The following ITSN2 variants were observed in gnomAD, a reference collection of about 807,000 sequenced individuals.
ITSN2 encodes intersectin 2, also known as intersectin-2.
ITSN2 carries 156 observed loss-of-function variants against 243.7 expected under a neutral mutation model. The ratio of observed to expected loss-of-function variants is 0.64; its 90% confidence interval spans 0.56 to 0.73. The LOEUF (loss-of-function observed/expected upper bound fraction) is 0.73, where lower values mean the gene tolerates loss of function less well. Among genes scored for constraint, ITSN2 ranks in the 30% least tolerant of loss-of-function variants. The probability of loss-of-function intolerance (pLI) is 0.00; values close to 1 mark genes in which losing one functional copy is unlikely to be tolerated. For synonymous variants in ITSN2, 703 were observed against 699.9 expected (o/e 1.00, Z -0.07); for missense variants, 1,801 against 1,996.1 (o/e 0.90, Z 1.86).
chr2:24,316,483 A>G (rs1241848115), intron 2 of ITSN2, among the ~76,000 whole-genome samples: 4 of 152,116 alleles, frequency 2.6e-5, no homozygotes, highest in Non-Finnish European at 5.9e-5. Context: ...GGGTTTCACC[A>G]TGTTGGCCAG....
chr2:24,206,947 C>T (rs1008683292), intron 37 of ITSN2, among the ~76,000 whole-genome samples: 2 of 151,942 alleles, frequency 1.3e-5, no homozygotes, highest in Non-Finnish European at 2.9e-5. Context: ...AGCACTTGAG[C>T]TGGAGGGGGA....
At chr2:24,319,539 C>G (rs185378853) in intron 2 of ITSN2, among the ~76,000 whole-genome samples, 1 of 152,108 alleles carries the variant, frequency 6.6e-6, no homozygotes, top group Admixed American at 6.5e-5. Context: ...GAGGTCTTCC[C>G]CCACCCCCAA....
At chr2:24,210,702 C>A in intron 34 of ITSN2, 78 bp downstream of exon 34, 19 of 1,392,614 alleles carry the variant, frequency 1.4e-5, no homozygotes, top group Non-Finnish European at 1.8e-5. Flanking sequence ...GCAGACTGTC[C>A]ACGTGAGGGA....
At chr2:24,354,722 G>T (rs559159972) in intron 1 of ITSN2, among the ~76,000 whole-genome samples, 1 of 152,266 alleles carries the variant, frequency 6.6e-6, no homozygotes, top group East Asian at 1.9e-4. Flanking sequence ...TGGTTATGAT[G>T]AAAATAAATG....
At position 24,261,705 on chromosome 2, in the gene ITSN2, T is replaced by A. The variant is rs1675891242; in HGVS notation, c.2393A>T (p.Tyr798Phe). The A allele has an allele frequency of 6.2e-7, 1 of 1,613,446 alleles. No individual in the cohort carries two copies. The highest frequency in any genetic ancestry group is 1.1e-5 in the South Asian group (1 of 91,034). Residue 798 changes from tyrosine (Y) to phenylalanine (F), a missense_variant, in exon 21 of 40, where the codon TAT (tyrosine) becomes TTT (phenylalanine). Physicochemically the swap from Tyr to Phe is conservative, Grantham distance 22. Around this residue, in one of 5 missense-constraint regions of ITSN2, gnomAD observed 7 missense variants for 20.0 expected, o/e 0.35. Coordinates refer to ENST00000355123, the MANE Select transcript of ITSN2 (RefSeq NM_006277.3). ...EKTVGEPGWL[Y>F]GSFQGNFGWF... Reference sequence around the variant, plus strand: ...GCCAAAATTTCCTTGAAAACTACCATAAAGCCAACCAGGTTCTCCTACGGT... The same window carrying A: ...GCCAAAATTTCCTTGAAAACTACCAAAAAGCCAACCAGGTTCTCCTACGGT...
chr2:24,251,383 GTGTATATATA>G lies in ITSN2; in HGVS notation c.3120+952_3120+961del. On this transcript the variant is annotated intron_variant, in intron 25 of 39. Coordinates refer to ENST00000355123, the MANE Select transcript of ITSN2 (RefSeq NM_006277.3). ...TGTGTGTGTGTGTGTATATATGTAT[GTGTATATATA>G]TGTGTATATATATATGTGTGTATAT... Among the ~76,000 whole-genome samples the G allele has an allele frequency of 4.1e-4, 2 of 4,900 alleles. 1 individual carries two copies. The highest frequency in any genetic ancestry group is 1.0e-3 in the African/African-American group (2 of 1,958). 3.2% of individuals were successfully genotyped at this position (4,900 alleles called of 152,430 possible).
chr2:24,247,251 GGC>G (rs1673499123), intron 27 of ITSN2, among the ~76,000 whole-genome samples: 1 of 152,200 alleles, frequency 6.6e-6, no homozygotes, highest in African/African-American at 2.4e-5. Flanking sequence ...TGCACACCAA[GGC>G]TTTGCTGACT....
At position 24,310,470 on chromosome 2, in the gene ITSN2, T is replaced by C. The variant is rs1558603855; in HGVS notation, c.556+19A>G. ...TTTCTTTACATGAAATAATGACTCT[T>C]TAGAAACAAAGTACTCACTTGAAGA... On this transcript the variant is annotated intron_variant, in intron 6 of 39. Transcript: ENST00000355123. 3 of 1,612,086 alleles carry C rather than the reference T, an allele frequency of 1.9e-6. No individual in the cohort carries two copies. Among genetic ancestry groups the C allele is most frequent in the Non-Finnish European group, 2.5e-6 (3 of 1,178,148 alleles).
chr2:24,330,348 C>T (rs1362647080), intron 1 of ITSN2: 13 of 495,538 alleles, frequency 2.6e-5, no homozygotes, highest in Middle Eastern at 3.4e-4. Context: ...CCAAAGCCTG[C>T]ATGCCACTGC....
upstream of ITSN2, chr2:24,360,720 T>A (rs1249021928): frequency 6.6e-6 from 1 of 152,658 alleles, no homozygotes. Context: ...GAAGCGCTCC[T>A]CTCTGCCCTC....
In ITSN2 at chr2:24,205,195, G is replaced by C. The variant is rs1668741018; in HGVS notation, c.4762+19C>G. ...GGCAGGGCAGTTATGTCTGCTGAAT[G>C]AATCAAGGCAGTATTTACCATTTGG... On this transcript the variant is annotated intron_variant, in intron 38 of 39. Transcript: ENST00000355123. 1 of 1,603,868 alleles carries C rather than the reference G, an allele frequency of 6.2e-7. No homozygotes were observed. The highest frequency in any genetic ancestry group is 8.5e-7 in the Non-Finnish European group (1 of 1,170,932).
chr2:24,312,384 A>G lies in ITSN2; in HGVS notation c.189-9T>C, dbSNP rs1038335244. On this transcript the variant is annotated splice_polypyrimidine_tract_variant and intron_variant, in intron 4 of 39. Coordinates refer to ENST00000355123, the MANE Select transcript of ITSN2 (RefSeq NM_006277.3). ...TTAGGTCTGATAAAGCCCTAAAAGGAGCATGAGGTAGGTAGATTGCTATGT... is the reference window on the plus strand; with the variant it reads ...TTAGGTCTGATAAAGCCCTAAAAGGGGCATGAGGTAGGTAGATTGCTATGT... 5.6e-6 allele frequency: 9 copies of G among 1,594,866 alleles called. No homozygotes were observed. Among genetic ancestry groups the G allele is most frequent in the Non-Finnish European group, 6.8e-6 (8 of 1,169,228 alleles).
At chr2:24,315,975 T>C (rs139287878) in intron 2 of ITSN2, among the ~76,000 whole-genome samples, 56 of 152,296 alleles carry the variant, frequency 3.7e-4, no homozygotes, top group Middle Eastern at 3.4e-3. Context: ...AATTCTGAGT[T>C]AGAAGCACCA....
At chr2:24,328,676 T>C (rs1009312341) in intron 1 of ITSN2, among the ~76,000 whole-genome samples, 2 of 152,096 alleles carry the variant, frequency 1.3e-5, no homozygotes, top group African/African-American at 2.4e-5. Context: ...TTGACCAGAA[T>C]GGTCTCAAAT....
rs574730266 is a variant in ITSN2 at position 24,268,771 on chromosome 2, A to C, written c.2355+1900T>G. Among the ~76,000 whole-genome samples, 159 of 151,532 alleles carry C rather than the reference A, an allele frequency of 1.0e-3. 1 individual carries two copies. Among genetic ancestry groups the C allele is most frequent in the Middle Eastern group, 3.4e-3 (1 of 292 alleles). On this transcript the variant is annotated intron_variant, in intron 20 of 39. Transcript: ENST00000355123. ...TCAGCCAACTTTAAAAAAAAAAAAAACTTCCCTCAACCCACATTTCTCATT... is the reference window on the plus strand; with the variant it reads ...TCAGCCAACTTTAAAAAAAAAAAAACCTTCCCTCAACCCACATTTCTCATT...
intron 2 of ITSN2, among the ~76,000 whole-genome samples, chr2:24,325,462 C>G (rs981316173): frequency 3.3e-5 from 5 of 151,958 alleles, no homozygotes; most frequent in Non-Finnish European, 5.9e-5. Context: ...TAATTCAAAG[C>G]CAATTTTAAA....
At chr2:24,216,362 G>T in intron 31 of ITSN2, 130 bp from the exon 32 acceptor site, 1 of 700,100 alleles carries the variant, frequency 1.4e-6, no homozygotes, top group Non-Finnish European at 2.2e-6. Flanking sequence ...CTGGGAAGGA[G>T]AACTCAAGAG....
At chr2:24,244,757 A>G (rs1475442478) in intron 29 of ITSN2, among the ~76,000 whole-genome samples, 1 of 152,174 alleles carries the variant, frequency 6.6e-6, no homozygotes, top group East Asian at 1.9e-4. Context: ...ACCCTCCAAT[A>G]TTTTTGGGAC....
In ITSN2 at chr2:24,295,820, AT is replaced by A; in HGVS notation, c.1495-17del. ...GTTTGCCATTCTATAGGAAGATCAT[AT>A]AAATATATAGTAACATAAAATGCTA... On this transcript the variant is annotated splice_polypyrimidine_tract_variant and intron_variant, in intron 13 of 39. Coordinates refer to ENST00000355123, the MANE Select transcript of ITSN2 (RefSeq NM_006277.3). The A allele has an allele frequency of 6.7e-7, 1 of 1,487,102 alleles. No homozygotes were observed. 92.1% of individuals were successfully genotyped at this position (1,487,102 alleles called of 1,614,324 possible).
Sources: allele counts gnomAD v4.1 joint callset (sites outside exome capture counted in the v4.1 genomes callset), GRCh38; gene constraint gnomAD v4.1.1; regional missense constraint gnomAD v4.1.1; transcripts MANE v1.5; gene names NCBI Gene and HGNC (gene_info 2026-07-23, HGNC 2026-07-21).